The following CAB39L variants were observed in gnomAD, a reference collection of about 807,000 sequenced individuals.
CAB39L encodes the protein calcium binding protein 39 like, also known as calcium-binding protein 39-like.
Under a neutral mutation model 39.1 loss-of-function variants are expected in CAB39L, and 23 were observed. The observed-to-expected ratio is 0.59, with a 90% CI of 0.42 to 0.83. The LOEUF (loss-of-function observed/expected upper bound fraction) is 0.83, where lower values mean the gene tolerates loss of function less well. CAB39L is among the 40% of genes least tolerant of loss of function. The pLI is 0.00. For missense variants in CAB39L, 366 were observed against 391.9 expected (o/e 0.93, Z 0.56); for synonymous variants, 126 against 137.2 (o/e 0.92, Z 0.57).
At chr13:49,371,698 G>A (rs780830567) in intron 5 of CAB39L, among the ~76,000 whole-genome samples, 28 of 152,000 alleles carry the variant, frequency 1.8e-4, no homozygotes, top group Non-Finnish European at 3.8e-4. Context: ...CTGGGCCCAG[G>A]TGATTCTTCC....
At chr13:49,390,180 C>A (rs374003660) in intron 3 of CAB39L, among the ~76,000 whole-genome samples, 2 of 152,156 alleles carry the variant, frequency 1.3e-5, no homozygotes, top group South Asian at 4.1e-4. Context: ...AGCCACCACA[C>A]CTGACCCATA....
At chr13:49,413,350 C>T (rs1420478775) in intron 3 of CAB39L, among the ~76,000 whole-genome samples, 1 of 152,018 alleles carries the variant, frequency 6.6e-6, no homozygotes, top group Non-Finnish European at 1.5e-5. Flanking sequence ...ATAAATTCTT[C>T]TAAAACAACA....
At chr13:49,375,774 AC>A (rs1956042756) in intron 5 of CAB39L, among the ~76,000 whole-genome samples, 1 of 151,080 alleles carries the variant, frequency 6.6e-6, no homozygotes, top group East Asian at 1.9e-4. Context: ...GTGCGCATGT[AC>A]CCTAGAACTT....
intron 7 of CAB39L, among the ~76,000 whole-genome samples, 181 bp downstream of exon 7, chr13:49,350,563 T>C (rs1264571387): frequency 6.6e-6 from 1 of 152,232 alleles, no homozygotes; most frequent in Non-Finnish European, 1.5e-5. Context: ...TTTCCTGCAA[T>C]AGGACAGACT....
At chr13:49,331,522 T>C (rs1181795167) in intron 10 of CAB39L, among the ~76,000 whole-genome samples, 2 of 152,016 alleles carry the variant, frequency 1.3e-5, no homozygotes, top group African/African-American at 4.8e-5. Flanking sequence ...TACTTTTCTA[T>C]CATAACAAAA....
rs144385620 is a variant in CAB39L, at chr13:49,381,337, G to C, written c.111+1463C>G. ...TAAATTGTGAGATATATCCACAGAA[G>C]AGTGCTTTAAACATACATGGAGAGT... On this transcript the variant is annotated intron_variant, in intron 4 of 10. Transcript: ENST00000409308. Among the ~76,000 whole-genome samples, 284 of 152,296 alleles carry C rather than the reference G, an allele frequency of 1.9e-3. 5 individuals carry two copies. Among genetic ancestry groups the C allele is most frequent in the Non-Finnish European group, 9.7e-4 (66 of 68,030 alleles).
intron 5 of CAB39L, among the ~76,000 whole-genome samples, chr13:49,375,104 A>C (rs77692885): frequency 6.6e-6 from 1 of 152,184 alleles, no homozygotes; most frequent in Non-Finnish European, 1.5e-5. Context: ...AAATGAAAAA[A>C]TACTACTACT....
At chr13:49,380,135 G>A (rs540866493) in intron 4 of CAB39L, among the ~76,000 whole-genome samples, 20 of 152,212 alleles carry the variant, frequency 1.3e-4, no homozygotes, top group African/African-American at 4.8e-4. Flanking sequence ...CACTGCATCC[G>A]GCCCAGTAAT....
intron 10 of CAB39L, among the ~76,000 whole-genome samples, chr13:49,325,559 C>T (rs776096366): frequency 3.1e-4 from 47 of 152,222 alleles, no homozygotes; most frequent in African/African-American, 9.9e-4. Context: ...GAGGCTGAGA[C>T]GGGCGGATCA....
chr13:49,389,964 A>C (rs1228809674), intron 3 of CAB39L, among the ~76,000 whole-genome samples: 2 of 152,160 alleles, frequency 1.3e-5, no homozygotes, highest in East Asian at 3.9e-4. Context: ...CTGGGACCAC[A>C]GGCATGTGCC....
intron 6 of CAB39L, among the ~76,000 whole-genome samples, chr13:49,352,960 T>G (rs577795296): frequency 6.6e-6 from 1 of 152,304 alleles, no homozygotes; most frequent in Non-Finnish European, 1.5e-5. Flanking sequence ...GATTCAAGAA[T>G]AAAGATTCAA....
chr13:49,313,075 A>T (rs755523570), intron 10 of CAB39L, among the ~76,000 whole-genome samples: 16 of 152,208 alleles, frequency 1.1e-4, no homozygotes, highest in Non-Finnish European at 1.6e-4. Context: ...AACACATAAT[A>T]TCATCACCTA....
At chr13:49,435,033 T>C (rs1308005725) in intron 1 of CAB39L, among the ~76,000 whole-genome samples, 1 of 152,274 alleles carries the variant, frequency 6.6e-6, no homozygotes, top group Non-Finnish European at 1.5e-5. Flanking sequence ...TCTTCTGTTG[T>C]TGGCACCTTT....
chr13:49,407,971 T>C (rs1956916759), intron 3 of CAB39L, among the ~76,000 whole-genome samples: 1 of 151,938 alleles, frequency 6.6e-6, no homozygotes, highest in African/African-American at 2.4e-5. Context: ...GGTCAGATTA[T>C]GGAGAGACGG....
chr13:49,425,221 A>G (rs920708990), intron 3 of CAB39L, among the ~76,000 whole-genome samples: 1 of 149,536 alleles, frequency 6.7e-6, no homozygotes, highest in African/African-American at 2.6e-5. Context: ...TTTTTACTTT[A>G]CCTTAGAAGA....
rs1264199319 is a variant in CAB39L, at chr13:49,378,399, C to T, written c.112-1268G>A. ...CCCCCACCTGGCCAGCCGTGCCGTC[C>T]GGGAGGGAGGTGGGGGGGTCAGCCC... On this transcript the variant is annotated intron_variant, in intron 4 of 10. Transcript: ENST00000409308. 1.3e-4 allele frequency among the ~76,000 whole-genome samples: 8 copies of T among 61,346 alleles called. 1 individual carries two copies. In the East Asian group the frequency reaches 2.5e-3, roughly 19 times the overall value. The allele number at this position is 61,346 out of a possible 152,430, so 40.2% of individuals were successfully genotyped here.
At position 49,382,882 on chromosome 13, in the gene CAB39L, G is replaced by A; in HGVS notation, c.29C>T (p.Ser10Leu). 1 of 1,610,964 alleles carries A rather than the reference G, an allele frequency of 6.2e-7. No individual in the cohort carries two copies. The highest frequency in any genetic ancestry group is 8.5e-7 in the Non-Finnish European group (1 of 1,178,434). MKKMPLFSK[S>L]HKNPAEIVKI... ...CACAATTTCTGCTGGATTTTTGTGT[G>A]ATTTACTAAACAAAGGCATTTTTTT... Residue 10 changes from serine (S) to leucine (L), a missense_variant, in exon 4 of 11, where the codon TCA (serine) becomes TTA (leucine). Coordinates refer to ENST00000409308, the MANE Select transcript of CAB39L (RefSeq NM_001079670.3).
Position 49,434,198 on chromosome 13 carries a change from T to C in CAB39L, c.-220A>G, listed in dbSNP as rs1009364664. ...TTAGAACACTTTGCTCCTGATATTCTTTCTTCTCAATATTTGATGGATATC... is the reference window on the plus strand; with the variant it reads ...TTAGAACACTTTGCTCCTGATATTCCTTCTTCTCAATATTTGATGGATATC... On this transcript the variant is annotated 5_prime_UTR_variant, in exon 2 of 11. Transcript: ENST00000409308. The C allele has an allele frequency of 1.1e-5, 5 of 455,174 alleles. No homozygotes were observed. The highest frequency in any genetic ancestry group is 1.0e-4 in the African/African-American group (5 of 49,950). The allele number at this position is 455,174 out of a possible 1,614,324, so 28.2% of individuals were successfully genotyped here. A position where few individuals can be genotyped will look rare whatever the true frequency, so the allele number is the denominator to read the frequency against.
chr13:49,417,821 A>G (rs1435049594), intron 3 of CAB39L, among the ~76,000 whole-genome samples: 1 of 152,164 alleles, frequency 6.6e-6, no homozygotes, highest in African/African-American at 2.4e-5. Flanking sequence ...ATCTGAGTTA[A>G]AAAAAACCCT....
Sources: allele counts gnomAD v4.1 joint callset (sites outside exome capture counted in the v4.1 genomes callset), GRCh38; gene constraint gnomAD v4.1.1; transcripts MANE v1.5; gene names NCBI Gene and HGNC (gene_info 2026-07-23, HGNC 2026-07-21).